Variants in KIAA1217 observed in about 807,000 individuals in gnomAD.
KIAA1217 encodes the protein KIAA1217.
In KIAA1217, 88 loss-of-function variants were observed where a neutral mutation model predicts 163.9. The ratio of observed to expected loss-of-function variants is 0.54; its 90% CI spans 0.45 to 0.64. KIAA1217 has a LOEUF of 0.64. KIAA1217 is among the 30% of genes least tolerant of loss of function. KIAA1217 has a pLI of 0.00. For synonymous variants in KIAA1217, 903 were observed against 923.1 expected, an observed-to-expected ratio of 0.98 and a Z score of 0.39; for missense variants, 2,372 against 2,475.0, an observed-to-expected ratio of 0.96 and a Z score of 0.88.
At chr10:24,018,125 C>A (rs1847570969) in intron 2 of KIAA1217, among the ~76,000 whole-genome samples, 1 of 151,670 alleles carries the variant, frequency 6.6e-6, no homozygotes, top group South Asian at 2.1e-4. Context: ...ACCTTAAACC[C>A]AAGCTTCATA....
intron 2 of KIAA1217, among the ~76,000 whole-genome samples, chr10:24,077,966 C>T (rs2061421339): frequency 6.6e-6 from 1 of 151,926 alleles, no homozygotes. Context: ...TTTTTCATAT[C>T]GTTGTTGGCT....
intron 2 of KIAA1217, among the ~76,000 whole-genome samples, chr10:24,038,067 G>C (rs900886282): frequency 6.6e-6 from 1 of 152,074 alleles, no homozygotes. Context: ...TTTTTGTAAG[G>C]GTTTTTTGTT....
intron 2 of KIAA1217, among the ~76,000 whole-genome samples, chr10:24,145,687 A>T (rs1173997035): frequency 7.2e-5 from 11 of 152,230 alleles, no homozygotes; most frequent in Non-Finnish European, 1.6e-4. Flanking sequence ...TAGGGAAGCC[A>T]ACAATGCAGC....
At chr10:23,995,423 A>T (rs1224851569) in intron 1 of KIAA1217, among the ~76,000 whole-genome samples, 1 of 151,246 alleles carries the variant, frequency 6.6e-6, no homozygotes, top group Non-Finnish European at 1.5e-5. Context: ...TTCCTACTTT[A>T]TCAATTCCAT....
chr10:23,961,931 C>T (rs745594534), intron 1 of KIAA1217, among the ~76,000 whole-genome samples: 8 of 152,150 alleles, frequency 5.3e-5, no homozygotes, highest in Admixed American at 2.0e-4. Flanking sequence ...CTAAATTTCC[C>T]CTTCTTATAA....
At chr10:24,435,129 A>G (rs73604478) in intron 4 of KIAA1217, among the ~76,000 whole-genome samples, 8,939 of 152,278 alleles carry the variant, frequency 0.059, 841 homozygotes, top group African/African-American at 0.2. Flanking sequence ...CACAAATGAC[A>G]TATTTAGGCA....
In KIAA1217 at chr10:23,715,791, G is replaced by A. The variant is rs567554108; in HGVS notation, c.-321+20557G>A. On this transcript the variant is annotated intron_variant, in intron 1 of 18. Coordinates refer to the KIAA1217 transcript ENST00000376462. ...CATATTTTAAAAATTAAACTTGCCCGTGAAAGAAAAGCAAAGCTTACATGA... is the reference window on the plus strand; with the variant it reads ...CATATTTTAAAAATTAAACTTGCCCATGAAAGAAAAGCAAAGCTTACATGA... Among the ~76,000 whole-genome samples the A allele has an allele frequency of 3.3e-5, 5 of 152,170 alleles. No individual in the cohort carries two copies. In the East Asian group the frequency reaches 5.8e-4, roughly 18 times the overall value.
chr10:24,525,908 C>T (rs2072081236), intron 13 of KIAA1217, among the ~76,000 whole-genome samples: 1 of 152,124 alleles, frequency 6.6e-6, no homozygotes. Context: ...GTGGATCACC[C>T]AGGCCCAGGG....
intron 2 of KIAA1217, among the ~76,000 whole-genome samples, chr10:24,270,995 T>G (rs186418950): frequency 6.6e-6 from 1 of 152,336 alleles, no homozygotes; most frequent in African/African-American, 2.4e-5. Flanking sequence ...CTGCCAGATT[T>G]CTATGAGAAT....
chr10:24,170,234 C>A (rs549476789), intron 2 of KIAA1217, among the ~76,000 whole-genome samples: 1 of 152,084 alleles, frequency 6.6e-6, no homozygotes, highest in South Asian at 2.1e-4. Context: ...TGCTTTTTGC[C>A]GGGTGGTAAG....
At chr10:24,253,337 T>C (rs988007595) in intron 2 of KIAA1217, among the ~76,000 whole-genome samples, 1 of 152,230 alleles carries the variant, frequency 6.6e-6, no homozygotes, top group Non-Finnish European at 1.5e-5. Context: ...CTTCTATCTC[T>C]GTGGCTGTCT....
At chr10:24,262,949 A>C (rs1021436797) in intron 2 of KIAA1217, among the ~76,000 whole-genome samples, 17 of 145,806 alleles carry the variant, frequency 1.2e-4, no homozygotes, top group African/African-American at 4.2e-4. Flanking sequence ...CCCTGTCTCA[A>C]AAAAAAAAAA....
intron 1 of KIAA1217, among the ~76,000 whole-genome samples, chr10:23,911,000 T>A (rs191838406): frequency 3.3e-5 from 5 of 152,296 alleles, no homozygotes; most frequent in Admixed American, 1.3e-4. Flanking sequence ...CCCCCATCTC[T>A]AACTCAATTT....
At chr10:24,003,768 T>G (rs1846862798) in intron 1 of KIAA1217, among the ~76,000 whole-genome samples, 1 of 152,350 alleles carries the variant, frequency 6.6e-6, no homozygotes, top group African/African-American at 2.4e-5. Context: ...ACTACTGTAG[T>G]AATTTGCAGT....
rs530390541 is a variant in KIAA1217, at chr10:24,271,784, G to A, written c.354+51875G>A. Among the ~76,000 whole-genome samples, 17 of 151,936 alleles carry A rather than the reference G, an allele frequency of 1.1e-4. No individual in the cohort carries two copies. The South Asian group carries it at 3.1e-3, about 28-fold the overall frequency. ...AAAAAAGAGTGAGAATAATGAAACT[G>A]TGCACACGCAGGCCTTTTAATAAAC... On this transcript the variant is annotated intron_variant, in intron 2 of 20. Transcript: ENST00000376454.
intron 1 of KIAA1217, among the ~76,000 whole-genome samples, chr10:23,749,124 T>C (rs1425200310): frequency 6.6e-6 from 1 of 152,016 alleles, no homozygotes; most frequent in Non-Finnish European, 1.5e-5. Flanking sequence ...CTTCAATTCC[T>C]CACCACGTAG....
intron 2 of KIAA1217, among the ~76,000 whole-genome samples, chr10:24,240,691 T>C (rs776638272): frequency 7.9e-5 from 12 of 152,290 alleles, no homozygotes; most frequent in South Asian, 2.1e-4. Flanking sequence ...GAGGATTAAA[T>C]AACAAAACAG....
intron 1 of KIAA1217, among the ~76,000 whole-genome samples, chr10:23,988,343 T>G (rs185051235): frequency 1.5e-3 from 221 of 152,346 alleles, no homozygotes; most frequent in African/African-American, 5.1e-3. Flanking sequence ...TTTCAGAGAT[T>G]CATAAAACTA....
Position 23,960,517 on chromosome 10 carries a change from A to G in KIAA1217, c.-320-46708A>G, listed in dbSNP as rs1844778721. Among the ~76,000 whole-genome samples, 3 of 151,834 alleles carry G rather than the reference A, an allele frequency of 2.0e-5. No homozygotes were observed. In the South Asian group the frequency reaches 6.2e-4, roughly 32 times the overall value. ...GGTGATCCGCCTGCCTTGGCCTCCC[A>G]AAGTGCTGGGATTACAGGCGTGAGC... On this transcript the variant is annotated intron_variant, in intron 1 of 18. Transcript: ENST00000376462.
Sources: gnomAD v4.1 joint callset for allele counts (sites outside exome capture counted in the v4.1 genomes callset) on GRCh38, gnomAD v4.1.1 for gene constraint, MANE v1.5 for transcripts, NCBI Gene and HGNC (gene_info 2026-07-23, HGNC 2026-07-21) for gene names.